Variants in CHADL observed in about 807,000 individuals in gnomAD.
CHADL encodes the protein chondroadherin like, also known as chondroadherin-like protein.
Under a neutral mutation model 52.1 loss-of-function variants are expected in CHADL, and 48 were observed. That is an observed-to-expected ratio of 0.92 (90% CI 0.73 to 1.17). The LOEUF is 1.17. CHADL is among the 50% of genes most tolerant of loss of function. The pLI is 0.00. For missense variants in CHADL, 977 were observed against 1,035.1 expected (o/e 0.94, Z 0.77); for synonymous variants, 498 against 511.2 (o/e 0.97, Z 0.35).
intron 5 of CHADL, 115 bp from the exon 6 acceptor site, chr22:41,229,845 A>T: frequency 1.0e-6 from 1 of 976,894 alleles, no homozygotes; most frequent in South Asian, 1.4e-5. Flanking sequence ...AATGGAGCTG[A>T]GTCCCCCTCT....
At position 41,237,871 on chromosome 22, in the gene CHADL, C is replaced by T. The variant is rs2032776094; in HGVS notation, c.1201G>A (p.Val401Met). The T allele has an allele frequency of 2.2e-6, 3 of 1,373,298 alleles. No individual in the cohort carries two copies. Among genetic ancestry groups the T allele is most frequent in the Non-Finnish European group, 1.9e-6 (2 of 1,065,006 alleles). The allele number at this position is 1,373,298 out of a possible 1,614,324, so 85.1% of individuals were successfully genotyped here. ...RAVAPCPRAC[V>M]CVPESRHSSC... ...CTGTGCCGGGACTCGGGGACGCACACGCAGGCGCGAGGGCAAGGCGCGACT... is the reference window on the plus strand; with the variant it reads ...CTGTGCCGGGACTCGGGGACGCACATGCAGGCGCGAGGGCAAGGCGCGACT... The change falls in exon 3 of 6, where the codon GTG becomes ATG. Residue 401 changes from valine to methionine, a missense_variant. By Grantham distance (21) the Val-to-Met change is conservative (BLOSUM62 1). Coordinates refer to ENST00000216241, the MANE Select transcript of CHADL (RefSeq NM_138481.2).
Position 41,235,213 on chromosome 22 carries a change from G to A in CHADL, c.2194C>T (p.Arg732Trp), listed in dbSNP as rs1352528032. ...CPGWAARKAKRTPASRPSARR... is the reference protein window; with the variant it reads ...CPGWAARKAKWTPASRPSARR... ...GCACTGGGCCTGGAGGCTGGTGTCC[G>A]CTTGGCCTTTCTGGCAGCCCAGCCC... Residue 732 changes from arginine (R) to tryptophan (W), a missense_variant, in exon 5 of 6, where the codon CGG (arginine) becomes TGG (tryptophan). By Grantham distance (101) the Arg-to-Trp change is moderately radical. Coordinates refer to ENST00000216241, the MANE Select transcript of CHADL (RefSeq NM_138481.2). 1.0e-5 allele frequency: 16 copies of A among 1,551,416 alleles called. No individual in the cohort carries two copies. The highest frequency in any genetic ancestry group is 5.9e-5 in the Admixed American group (3 of 51,012).
Position 41,240,858 on chromosome 22 carries a change from G to C in CHADL, c.8+16C>G, listed in dbSNP as rs1005989618. On this transcript the variant is annotated intron_variant, in intron 1 of 5. Transcript: ENST00000216241. ...GCTCTGAATCCCCCCTTGCACCATCGGGCCCAAAGACTCACCCCTCCATGC... is the reference window on the plus strand; with the variant it reads ...GCTCTGAATCCCCCCTTGCACCATCCGGCCCAAAGACTCACCCCTCCATGC... The C allele has an allele frequency of 7.7e-6, 12 of 1,550,822 alleles. No individual in the cohort carries two copies. Among genetic ancestry groups the C allele is most frequent in the Non-Finnish European group, 1.0e-5 (12 of 1,146,800 alleles).
intron 1 of CHADL, among the ~76,000 whole-genome samples, chr22:41,240,605 T>G (rs1014260547): frequency 6.6e-6 from 1 of 152,172 alleles, no homozygotes; most frequent in African/African-American, 2.4e-5. Flanking sequence ...AGGGGACCCA[T>G]GGGGACAGAT....
chr22:41,238,898 A>T lies in CHADL; in HGVS notation c.187-13T>A. On this transcript the variant is annotated splice_polypyrimidine_tract_variant and intron_variant, in intron 2 of 5. Transcript: ENST00000216241. The surrounding 1 kb of genome is among the most constrained non-coding windows in gnomAD (Gnocchi z 4.9). ...GCCGCTGGGTCAGCTGGGGACAGCG[A>T]GGAGAAAGTGGGGCTGAGCCAGGCA... The T allele has an allele frequency of 1.3e-6, 2 of 1,522,088 alleles. No individual in the cohort carries two copies. The highest frequency in any genetic ancestry group is 1.8e-6 in the Non-Finnish European group (2 of 1,127,930). The allele number at this position is 1,522,088 out of a possible 1,614,324, so 94.3% of individuals were successfully genotyped here. A position where few individuals can be genotyped will look rare whatever the true frequency, so the allele number is the denominator to read the frequency against.
At chr22:41,236,227 C>T (rs2032737466) in intron 4 of CHADL, among the ~76,000 whole-genome samples, 1 of 152,222 alleles carries the variant, frequency 6.6e-6, no homozygotes, top group African/African-American at 2.4e-5. Flanking sequence ...TATTAGGTCC[C>T]AGCCCGCTAG....
Position 41,238,666 on chromosome 22 carries a change from A to G in CHADL, c.406T>C (p.Leu136=), listed in dbSNP as rs1569159949. 5.2e-6 allele frequency: 8 copies of G among 1,544,822 alleles called. No individual in the cohort carries two copies. In the South Asian group the frequency reaches 9.5e-5, roughly 18 times the overall value. ...TTCCCCTCCAGCTCCAGCCGCCGCA[A>G]CGAGCCCAGCCCGTCCAGCGCCTCC... The part of the protein sequence containing the change: ...PQEALDGLGS[L]RRLELEGNAL... Residue 136 remains leucine (L), a synonymous_variant, in exon 3 of 6, where the codon TTG becomes CTG. Transcript: ENST00000216241. The surrounding 1 kb of genome is among the most constrained non-coding windows in gnomAD (Gnocchi z 4.9).
chr22:41,237,632 G>C lies in CHADL; in HGVS notation c.1440C>G (p.Leu480=). 1 of 1,550,360 alleles carries C rather than the reference G, an allele frequency of 6.5e-7. No individual in the cohort carries two copies. The highest frequency in any genetic ancestry group is 1.4e-5 in the African/African-American group (1 of 73,178). ...TGAGGCCTGCGAGCTGGTTGTCGGAGAGGTACAGGTAGATCAGGCGGCCCA... is the reference window on the plus strand; with the variant it reads ...TGAGGCCTGCGAGCTGGTTGTCGGACAGGTACAGGTAGATCAGGCGGCCCA... ...AGLGRLIYLY[L]SDNQLAGLSA... The change falls in exon 3 of 6, where the codon CTC becomes CTG. Residue 480 remains leucine (L), a synonymous_variant. Transcript: ENST00000216241.
chr22:41,230,079 G>GCCCCC (rs372714796), intron 5 of CHADL: 32 of 532,642 alleles, frequency 6.0e-5, no homozygotes, highest in Admixed American at 9.3e-5. Context: ...CAGCTCCTCC[G>GCCCCC]CCCCCACCCC....
At chr22:41,240,816 C>T (rs1483079484) in intron 1 of CHADL, 58 bp downstream of exon 1, 1 of 1,547,666 alleles carries the variant, frequency 6.5e-7, no homozygotes, top group Non-Finnish European at 8.7e-7. Context: ...CAGAGACTTA[C>T]CTGAGGCCAC....
chr22:41,237,207 T>C lies in CHADL; in HGVS notation c.1865A>G (p.His622Arg). 12 of 1,547,606 alleles carry C rather than the reference T, an allele frequency of 7.8e-6. No homozygotes were observed. Among genetic ancestry groups the C allele is most frequent in the Non-Finnish European group, 1.0e-5 (12 of 1,145,110 alleles). ...CAGGCCACTGCTGTTCAGGAAGAGG[T>C]GCTGCAGCGACCTGCCCACAGGCTG... ...AFQPVGRSLQ[H>R]LFLNSSGLEQ... Residue 622 changes from histidine to arginine, a missense_variant, in exon 3 of 6, where the codon CAC (histidine) becomes CGC (arginine). Coordinates refer to ENST00000216241, the MANE Select transcript of CHADL (RefSeq NM_138481.2).
intron 3 of CHADL, 24 bp from the exon 4 acceptor site, chr22:41,236,674 A>T (rs529470267): frequency 3.2e-6 from 5 of 1,538,824 alleles, no homozygotes; most frequent in African/African-American, 1.4e-5. Flanking sequence ...CCAGGCCCCA[A>T]TGTGAGCTCC....
intron 5 of CHADL, among the ~76,000 whole-genome samples, chr22:41,231,763 T>C (rs756052750): frequency 3.9e-5 from 6 of 152,174 alleles, no homozygotes; most frequent in Non-Finnish European, 8.8e-5. Flanking sequence ...TCATCCCTGC[T>C]TCTGCCTCAG....
At chr22:41,239,939 G>T (rs1569160455) in intron 1 of CHADL, among the ~76,000 whole-genome samples, 1 of 152,206 alleles carries the variant, frequency 6.6e-6, no homozygotes, top group African/African-American at 2.4e-5. Context: ...ATGTTCTCAG[G>T]CTGTGGTGAG....
At position 41,237,374 on chromosome 22, in the gene CHADL, GC is replaced by G. The variant is rs2032763491; in HGVS notation, c.1697del (p.Gly566AlafsTer60). ...GCAGCTTCTCCAGCTCCCGAGCTGG[GC>G]CCAGCGCCCCAAGGGACACTTCGGT... is the stretch of plus-strand genomic sequence containing the variant. The part of the protein sequence containing the change: ...RITEVSLGAL[G>X]PARELEKLHL... On this transcript the variant is annotated frameshift_variant, in exon 3 of 6. Coordinates refer to ENST00000216241, the MANE Select transcript of CHADL (RefSeq NM_138481.2). LOFTEE classifies it high-confidence loss of function. The G allele has an allele frequency of 6.4e-7, 1 of 1,550,548 alleles. No individual in the cohort carries two copies. The highest frequency in any genetic ancestry group is 1.4e-5 in the African/African-American group (1 of 73,078).
intron 1 of CHADL, among the ~76,000 whole-genome samples, chr22:41,240,504 C>A (rs1483329425): frequency 6.6e-6 from 1 of 152,252 alleles, no homozygotes; most frequent in Non-Finnish European, 1.5e-5. Context: ...GTTTTGGAGT[C>A]TCCTTTGGGT....
Position 41,229,553 on chromosome 22 carries a change from G to T in CHADL, c.*151C>A. 1 of 1,610,660 alleles carries T rather than the reference G, an allele frequency of 6.2e-7. No homozygotes were observed. On this transcript the variant is annotated 3_prime_UTR_variant, in exon 6 of 6. Transcript: ENST00000216241. ...TTTTATTCAAAGGGAAAAGAATCCC[G>T]CCCACTAAGACGCGACCCCTCAGAC...
chr22:41,235,356 G>A lies in CHADL; in HGVS notation c.2064-13C>T. 3 of 1,547,930 alleles carry A rather than the reference G, an allele frequency of 1.9e-6. No homozygotes were observed. The highest frequency in any genetic ancestry group is 2.6e-6 in the Non-Finnish European group (3 of 1,145,406). On this transcript the variant is annotated splice_polypyrimidine_tract_variant and intron_variant, in intron 4 of 5. Coordinates refer to ENST00000216241, the MANE Select transcript of CHADL (RefSeq NM_138481.2). ...CCCAGTAAGCCACCTGAAGAGAAAA[G>A]AGAGCTGGGGAGCTAGCTGTGCTGA...
intron 5 of CHADL, 144 bp from the exon 6 acceptor site, chr22:41,229,874 C>A: frequency 1.3e-6 from 1 of 789,936 alleles, no homozygotes; most frequent in Non-Finnish European, 2.2e-6. Context: ...CCCGGCCCCT[C>A]CTCCTCCTCC....
Sources: allele counts gnomAD v4.1 joint callset (sites outside exome capture counted in the v4.1 genomes callset), GRCh38; gene constraint gnomAD v4.1.1; non-coding constraint Gnocchi (gnomAD v3.1); transcripts MANE v1.5; gene names NCBI Gene and HGNC (gene_info 2026-07-23, HGNC 2026-07-21).